RPP30: variants seen among roughly 807,000 people sequenced by gnomAD.
RPP30 encodes the protein ribonuclease P/MRP subunit p30, also known as ribonuclease P protein subunit p30.
In RPP30, 36 loss-of-function variants were observed where a neutral mutation model predicts 38.6. That is an observed-to-expected ratio of 0.93 (90% CI 0.71 to 1.23). The LOEUF (loss-of-function observed/expected upper bound fraction) is 1.23. Among genes scored for constraint, RPP30 ranks in the 50% most tolerant of loss-of-function variants. RPP30 has a pLI of 0.00. For synonymous variants in RPP30, 126 were observed against 112.7 expected, an observed-to-expected ratio of 1.12 and a Z score of -0.75; for missense variants, 321 against 321.7, an observed-to-expected ratio of 1.00 and a Z score of 0.02.
At chr10:90,887,057 TC>T (rs1300107420) in intron 6 of RPP30, among the ~76,000 whole-genome samples, 1 of 152,146 alleles carries the variant, frequency 6.6e-6, no homozygotes, top group East Asian at 1.9e-4. Context: ...AGCCTCAACT[TC>T]CTGGGATCAA....
rs1245966865 is a variant in RPP30 at position 90,901,963 on chromosome 10, C to T, written c.*1284C>T. ...CCTCCTGAGTAGCTGGGACTACAGG[C>T]GCTCGCCATGTATTTAGCAGAGACG... is the stretch of plus-strand genomic sequence containing the variant. On this transcript the variant is annotated 3_prime_UTR_variant, in exon 11 of 11. Coordinates refer to ENST00000371703, the MANE Select transcript of RPP30 (RefSeq NM_006413.5). 7.6e-5 allele frequency: 28 copies of T among 368,234 alleles called. No individual in the cohort carries two copies. The highest frequency in any genetic ancestry group is 1.1e-4 in the South Asian group (1 of 8,910). 22.8% of individuals were successfully genotyped at this position (368,234 alleles called of 1,614,324 possible).
intron 6 of RPP30, among the ~76,000 whole-genome samples, chr10:90,893,152 A>G (rs1847102703): frequency 6.6e-6 from 1 of 152,240 alleles, no homozygotes; most frequent in Non-Finnish European, 1.5e-5. Context: ...ACATATAGGA[A>G]AATCTAAAAT....
In RPP30 at chr10:90,896,256, G is replaced by C. The variant is rs141880451; in HGVS notation, c.618-57G>C. 6.3e-5 allele frequency: 92 copies of C among 1,465,830 alleles called. 1 individual carries two copies. In the Middle Eastern group the frequency reaches 1.0e-3, roughly 17 times the overall value. The allele number at this position is 1,465,830 out of a possible 1,614,324, so 90.8% of individuals were successfully genotyped here. Reference sequence around the variant, plus strand: ...TTAGCTGGCACTTTCTGTTATGTTTGTGTTAGTCTCGTGTCCTTGGGTGAC... The same window carrying C: ...TTAGCTGGCACTTTCTGTTATGTTTCTGTTAGTCTCGTGTCCTTGGGTGAC... On this transcript the variant is annotated intron_variant, in intron 9 of 10. Transcript: ENST00000371703.
chr10:90,881,541 T>A (rs1437884409), intron 5 of RPP30, among the ~76,000 whole-genome samples: 1 of 152,226 alleles, frequency 6.6e-6, no homozygotes, highest in Non-Finnish European at 1.5e-5. Flanking sequence ...CTCAAAAAGT[T>A]AAATGAGAAC....
At position 90,881,252 on chromosome 10, in the gene RPP30, G is replaced by A. The variant is rs1252538980; in HGVS notation, c.342+2118G>A. ...TTACGACAATCCCGTAGGATAATTGGGACAGATATTTATTACTATCCTCAT... is the reference window on the plus strand; with the variant it reads ...TTACGACAATCCCGTAGGATAATTGAGACAGATATTTATTACTATCCTCAT... On this transcript the variant is annotated intron_variant, in intron 5 of 10. Coordinates refer to ENST00000371703, the MANE Select transcript of RPP30 (RefSeq NM_006413.5). Among the ~76,000 whole-genome samples, 2 of 152,062 alleles carry A rather than the reference G, an allele frequency of 1.3e-5. 1 individual carries two copies. Among genetic ancestry groups the A allele is most frequent in the South Asian group, 4.1e-4 (2 of 4,820 alleles).
downstream of RPP30, among the ~76,000 whole-genome samples, chr10:90,902,502 A>C (rs1460031794): frequency 2.0e-5 from 3 of 152,208 alleles, no homozygotes; most frequent in Non-Finnish European, 4.4e-5. Context: ...TTACAGGCAC[A>C]GGCATGAGCC....
intron 10 of RPP30, among the ~76,000 whole-genome samples, chr10:90,899,763 C>T (rs960443936): frequency 6.6e-6 from 1 of 152,158 alleles, no homozygotes; most frequent in African/African-American, 2.4e-5. Flanking sequence ...TTGCTTTAAC[C>T]AGGCAGTTAA....
At chr10:90,872,921 T>C (rs1377174759) in intron 1 of RPP30, among the ~76,000 whole-genome samples, 1 of 152,230 alleles carries the variant, frequency 6.6e-6, no homozygotes, top group Non-Finnish European at 1.5e-5. Context: ...AAATGAACGT[T>C]ATCTCTGTGG....
At chr10:90,874,205 A>AC (rs1846820885) in intron 1 of RPP30, among the ~76,000 whole-genome samples, 1 of 151,670 alleles carries the variant, frequency 6.6e-6, no homozygotes, top group Non-Finnish European at 1.5e-5. Flanking sequence ...CATGATTTAG[A>AC]TTTTTTTTTG....
chr10:90,902,533 T>C (rs1333877196), downstream of RPP30, among the ~76,000 whole-genome samples: 1 of 152,170 alleles, frequency 6.6e-6, no homozygotes, highest in South Asian at 2.1e-4. Flanking sequence ...GCCTTCCAGT[T>C]CTTTTTAATG....
At chr10:90,907,036 T>C (rs1322584495), downstream of RPP30, among the ~76,000 whole-genome samples, 1 of 152,248 alleles carries the variant, frequency 6.6e-6, no homozygotes, top group Non-Finnish European at 1.5e-5. Flanking sequence ...CCATATTGTC[T>C]CTCATGCCCT....
chr10:90,888,338 C>T lies in RPP30; in HGVS notation c.432+2437C>T, dbSNP rs1036573335. On this transcript the variant is annotated intron_variant, in intron 6 of 10. Transcript: ENST00000371703. ...GGACAGCAATGCACAACAGATAATT[C>T]CTCATGTCTCACGACAGTGGTAAGA... Among the ~76,000 whole-genome samples, 5 of 152,196 alleles carry T rather than the reference C, an allele frequency of 3.3e-5. 1 individual carries two copies. The highest frequency in any genetic ancestry group is 1.3e-4 in the Admixed American group (2 of 15,276).
chr10:90,903,127 G>T, downstream of RPP30: 1 of 832,174 alleles, frequency 1.2e-6, no homozygotes, highest in Admixed American at 1.9e-5. Context: ...AAATTTGGGG[G>T]TGATCAGTAA....
intron 10 of RPP30, among the ~76,000 whole-genome samples, chr10:90,897,136 A>G (rs1847149128): frequency 6.6e-6 from 1 of 152,232 alleles, no homozygotes; most frequent in Non-Finnish European, 1.5e-5. Context: ...TTAAAAATTG[A>G]AAGTATGCTG....
intron 10 of RPP30, among the ~76,000 whole-genome samples, chr10:90,897,867 T>A (rs960862973): frequency 6.6e-6 from 1 of 152,192 alleles, no homozygotes; most frequent in Admixed American, 6.5e-5. Flanking sequence ...AGGCATGCAA[T>A]GCATAATAAT....
At chr10:90,873,291 T>G (rs959390905) in intron 1 of RPP30, among the ~76,000 whole-genome samples, 2 of 152,196 alleles carry the variant, frequency 1.3e-5, no homozygotes, top group Admixed American at 1.3e-4. Context: ...TAAAATACAC[T>G]TGGAAGAGGT....
intron 4 of RPP30, among the ~76,000 whole-genome samples, chr10:90,877,974 A>G (rs576124462): frequency 1.3e-5 from 2 of 152,336 alleles, no homozygotes; most frequent in Admixed American, 6.5e-5. Context: ...AACAGTTACT[A>G]TTGCTAAAGA....
intron 10 of RPP30, among the ~76,000 whole-genome samples, 180 bp from the exon 11 acceptor site, chr10:90,900,390 A>G (rs1005992943): frequency 6.6e-6 from 1 of 152,278 alleles, no homozygotes; most frequent in African/African-American, 2.4e-5. Flanking sequence ...TGTTAATAAT[A>G]TACTGATATT....
chr10:90,879,146 A>G lies in RPP30; in HGVS notation c.342+12A>G, dbSNP rs1846890837. ...AAAAGCTTTTTCATGTGAGTAACAG[A>G]TAAGTAAAAGAAAGTAGTGTATATA... On this transcript the variant is annotated intron_variant, in intron 5 of 10. Transcript: ENST00000371703. 2.5e-6 allele frequency: 4 copies of G among 1,604,660 alleles called. No homozygotes were observed. Among genetic ancestry groups the G allele is most frequent in the Non-Finnish European group, 3.4e-6 (4 of 1,171,572 alleles).
Sources: allele counts gnomAD v4.1 joint callset (sites outside exome capture counted in the v4.1 genomes callset), GRCh38; gene constraint gnomAD v4.1.1; transcripts MANE v1.5; gene names NCBI Gene and HGNC (gene_info 2026-07-23, HGNC 2026-07-21).